The following PCDH9 variants were observed in gnomAD, a reference collection of about 807,000 sequenced individuals.
PCDH9 encodes protocadherin-9.
PCDH9 carries 24 observed loss-of-function variants against 70.6 expected under a neutral mutation model. That is an observed-to-expected ratio of 0.34 (90% confidence interval 0.25 to 0.48). PCDH9 has a LOEUF of 0.48. PCDH9 is among the 20% of genes least tolerant of loss of function. PCDH9 has a pLI of 0.99. For synonymous variants in PCDH9, 562 were observed against 558.5 expected (o/e 1.01, Z -0.09); for missense variants, 1,281 against 1,503.6 (o/e 0.85, Z 2.45).
chr13:66,542,571 A>T (rs1346818421), intron 4 of PCDH9, among the ~76,000 whole-genome samples: 1 of 151,726 alleles, frequency 6.6e-6, no homozygotes, highest in African/African-American at 2.4e-5. Context: ...TCCAATTTAG[A>T]CTTGCCAGCT....
intron 2 of PCDH9, among the ~76,000 whole-genome samples, chr13:67,145,900 T>G (rs1168426685): frequency 6.6e-6 from 1 of 152,104 alleles, no homozygotes; most frequent in Middle Eastern, 3.2e-3. Flanking sequence ...AATCATATTT[T>G]ATAAAGATTT....
At chr13:66,338,358 T>G (rs1249391932) in intron 4 of PCDH9, among the ~76,000 whole-genome samples, 8 of 152,024 alleles carry the variant, frequency 5.3e-5, no homozygotes. Flanking sequence ...GTATCCCTAG[T>G]GAGTATTAAT....
rs1216106062 is a variant in PCDH9 at position 66,919,271 on chromosome 13, T to G, written c.3037-15666A>C. Among the ~76,000 whole-genome samples, 22 of 151,314 alleles carry G rather than the reference T, an allele frequency of 1.5e-4. No homozygotes were observed. In the Admixed American group the frequency reaches 1.5e-3, roughly 10 times the overall value. On this transcript the variant is annotated intron_variant, in intron 2 of 4. Transcript: ENST00000377865. ...CATCCCAAACAAACAAAATATTTTT[T>G]GCTAAATATTTCAGCTGAGATTTCT...
At chr13:66,954,178 G>A (rs1463925221) in intron 2 of PCDH9, among the ~76,000 whole-genome samples, 1 of 152,054 alleles carries the variant, frequency 6.6e-6, no homozygotes, top group African/African-American at 2.4e-5. Context: ...TTCCCCAACT[G>A]CTCCTAGCCC....
chr13:66,679,849 T>C (rs1409545349), intron 3 of PCDH9, among the ~76,000 whole-genome samples: 1 of 151,948 alleles, frequency 6.6e-6, no homozygotes, highest in Non-Finnish European at 1.5e-5. Context: ...TATATGGCAA[T>C]GTCCTGAATA....
chr13:66,914,496 GA>G (rs746247551), intron 2 of PCDH9: 2 of 151,794 alleles, frequency 1.3e-5, no homozygotes, highest in Non-Finnish European at 2.9e-5. Context: ...GGTATGTAAA[GA>G]AACCGAAAGA....
intron 2 of PCDH9, among the ~76,000 whole-genome samples, chr13:67,058,874 C>G (rs564352094): frequency 6.6e-6 from 1 of 152,184 alleles, no homozygotes; most frequent in East Asian, 1.9e-4. Context: ...CACATGTACT[C>G]TCCTTGTTTT....
At chr13:66,808,909 C>T (rs980728143) in intron 3 of PCDH9, among the ~76,000 whole-genome samples, 3 of 152,144 alleles carry the variant, frequency 2.0e-5, no homozygotes, top group Admixed American at 1.3e-4. Flanking sequence ...TTTTGAGAAG[C>T]CCCACTAAAG....
rs117519295 is a variant in PCDH9 at position 66,990,382 on chromosome 13, C to A, written c.3037-86777G>T. On this transcript the variant is annotated intron_variant, in intron 2 of 4. Coordinates refer to ENST00000377865, the MANE Select transcript of PCDH9 (RefSeq NM_203487.3). ...CTTTCCTTTGCTCAAAAGAATATAA[C>A]ATTTTTCATACTCTAAAAGAATATA... Among the ~76,000 whole-genome samples the A allele has an allele frequency of 7.5e-3, 1,145 of 151,678 alleles. 39 individuals carry two copies. The South Asian group carries it at 0.081, about 11-fold the overall frequency.
intron 3 of PCDH9, among the ~76,000 whole-genome samples, chr13:66,874,651 C>A (rs377296956): frequency 6.6e-6 from 1 of 151,954 alleles, no homozygotes; most frequent in Non-Finnish European, 1.5e-5. Flanking sequence ...AATGAGGATA[C>A]GCAGGGAAAC....
rs755054889 is a variant in PCDH9 at position 66,305,010 on chromosome 13, C to T, written c.3359G>A (p.Arg1120Gln). The stretch of plus-strand genomic sequence containing the variant: ...CATCTCTGTAGCTTCAGCTAATCCT[C>T]GGGGACCCAAAGGCCCATCTGCAGA... Reference protein sequence around the residue: ...DPNSDGPLGPRGLAEATEMCT... With the variant: ...DPNSDGPLGPQGLAEATEMCT... The change falls in exon 5 of 5, where the codon CGA (arginine) becomes CAA (glutamine). Residue 1120 changes from arginine (R) to glutamine (Q), a missense_variant. Physicochemically the swap from Arg to Gln is conservative, Grantham distance 43. Transcript: ENST00000377865. The T allele has an allele frequency of 1.8e-5, 29 of 1,610,456 alleles. No individual in the cohort carries two copies. In the Admixed American group the frequency reaches 3.0e-4, roughly 17 times the overall value.
intron 2 of PCDH9, among the ~76,000 whole-genome samples, chr13:67,170,251 G>A (rs1594606873): frequency 1.3e-5 from 2 of 152,284 alleles, no homozygotes; most frequent in Middle Eastern, 6.8e-3. Context: ...GGTCATGTAT[G>A]CCAATGTCCA....
At chr13:66,582,020 T>C (rs2076899035) in intron 4 of PCDH9, among the ~76,000 whole-genome samples, 1 of 152,118 alleles carries the variant, frequency 6.6e-6, no homozygotes, top group Non-Finnish European at 1.5e-5. Context: ...CCAATGAGAA[T>C]CCCATACTTC....
intron 2 of PCDH9, among the ~76,000 whole-genome samples, chr13:67,088,153 G>C (rs758918026): frequency 7.3e-5 from 11 of 150,086 alleles, no homozygotes; most frequent in Non-Finnish European, 1.3e-4. Context: ...AAGAATTTCT[G>C]CTTGGATGGC....
At chr13:66,886,985 A>G (rs1371757926) in intron 3 of PCDH9, among the ~76,000 whole-genome samples, 1 of 150,232 alleles carries the variant, frequency 6.7e-6, no homozygotes, top group Non-Finnish European at 1.5e-5. Flanking sequence ...ACCTTTCTCT[A>G]TTCTATTGTG....
At chr13:67,005,947 C>T (rs1418171196) in intron 2 of PCDH9, among the ~76,000 whole-genome samples, 2 of 152,146 alleles carry the variant, frequency 1.3e-5, no homozygotes, top group Non-Finnish European at 2.9e-5. Context: ...ATCTTATAGG[C>T]CAGGCGCGGC....
chr13:66,376,733 A>T (rs1054260055), intron 4 of PCDH9, among the ~76,000 whole-genome samples: 4 of 152,264 alleles, frequency 2.6e-5, no homozygotes, highest in Non-Finnish European at 5.9e-5. Flanking sequence ...TCTATGTAGA[A>T]GATTATGAAA....
At chr13:66,438,249 T>G (rs517198) in intron 4 of PCDH9, among the ~76,000 whole-genome samples, 3 of 151,018 alleles carry the variant, frequency 2.0e-5, no homozygotes, top group Non-Finnish European at 4.4e-5. Context: ...AAAAAAAAAG[T>G]ACTTAGGATA....
intron 4 of PCDH9, among the ~76,000 whole-genome samples, chr13:66,390,099 A>T (rs897426366): frequency 5.3e-5 from 8 of 152,208 alleles, no homozygotes; most frequent in Non-Finnish European, 1.0e-4. Context: ...ATATTAAAAA[A>T]TTGCTAATAT....
Sources: gnomAD v4.1 joint callset for allele counts (sites outside exome capture counted in the v4.1 genomes callset) on GRCh38, gnomAD v4.1.1 for gene constraint, MANE v1.5 for transcripts, NCBI Gene and HGNC (gene_info 2026-07-23, HGNC 2026-07-21) for gene names.